The following PSMB3 variants were observed in gnomAD, a reference collection of about 807,000 sequenced individuals.
PSMB3 encodes proteasome subunit beta type-3.
In PSMB3, 5 loss-of-function variants were observed where a neutral mutation model predicts 23.3. The ratio of observed to expected loss-of-function variants is 0.21; its 90% CI spans 0.11 to 0.45. The LOEUF (loss-of-function observed/expected upper bound fraction) is 0.45. Among genes scored for constraint, PSMB3 ranks in the 20% least tolerant of loss-of-function variants. The pLI is 0.99. For missense variants in PSMB3, 192 were observed against 277.9 expected (o/e 0.69, Z 2.20); for synonymous variants, 85 against 99.8 (o/e 0.85, Z 0.88).
At chr17:38,753,478 C>A in intron 2 of PSMB3, 144 bp downstream of exon 2, 1 of 836,822 alleles carries the variant, frequency 1.2e-6, no homozygotes, top group Non-Finnish European at 1.8e-6. Flanking sequence ...CATGTCCTTC[C>A]CTTTCTTTTT....
intron 3 of PSMB3, among the ~76,000 whole-genome samples, chr17:38,759,723 A>G (rs1886714370): frequency 6.6e-6 from 1 of 151,432 alleles, no homozygotes; most frequent in Admixed American, 6.6e-5. Flanking sequence ...TTTTTTTTGT[A>G]TATTTAGTAG....
At position 38,762,434 on chromosome 17, in the gene PSMB3, C is replaced by A; in HGVS notation, c.498C>A (p.Thr166=). ...PNMDPDHLFE[T]ISQAMLNAVD... The stretch of plus-strand genomic sequence containing the variant: ...AGGATCCGGATCACCTGTTTGAAAC[C>A]ATCTCCCAAGCCATGCTGAATGCTG... Residue 166 remains threonine (T), a synonymous_variant, in exon 5 of 6, where the codon ACC becomes ACA. Coordinates refer to ENST00000619426, the MANE Select transcript of PSMB3 (RefSeq NM_002795.4). 1 of 1,614,172 alleles carries A rather than the reference C, an allele frequency of 6.2e-7. No individual in the cohort carries two copies. The highest frequency in any genetic ancestry group is 1.7e-5 in the Admixed American group (1 of 60,028).
intron 4 of PSMB3, among the ~76,000 whole-genome samples, chr17:38,761,579 T>A (rs1598034471): frequency 6.6e-6 from 1 of 151,772 alleles, no homozygotes; most frequent in Non-Finnish European, 1.5e-5. Flanking sequence ...TGAACTGCAG[T>A]TTGTTGGGAA....
At position 38,753,352 on chromosome 17, in the gene PSMB3, C is replaced by T. The variant is rs1182526321; in HGVS notation, c.188+18C>T. ...CAGACAGTGTAAGTTTCAAGGGTCC[C>T]CGCCCACACCCAGGCCTCTTCTTGG... On this transcript the variant is annotated intron_variant, in intron 2 of 5. Transcript: ENST00000619426. 2.5e-6 allele frequency: 4 copies of T among 1,608,164 alleles called. No individual in the cohort carries two copies. The highest frequency in any genetic ancestry group is 4.5e-5 in the East Asian group (2 of 44,840).
intron 2 of PSMB3, among the ~76,000 whole-genome samples, 189 bp from the exon 3 acceptor site, chr17:38,755,694 G>A (rs1202809863): frequency 1.5e-5 from 2 of 136,342 alleles, no homozygotes; most frequent in African/African-American, 5.7e-5. Context: ...GTGTGTGTGT[G>A]TGTGTGTGTG....
At chr17:38,759,435 G>C (rs1908340700) in intron 3 of PSMB3, among the ~76,000 whole-genome samples, 1 of 152,160 alleles carries the variant, frequency 6.6e-6, no homozygotes, top group Admixed American at 6.5e-5. Context: ...AATGCCTGTT[G>C]CTTTTGCACC....
chr17:38,753,497 T>TA (rs1908029470), intron 2 of PSMB3, among the ~76,000 whole-genome samples, 163 bp downstream of exon 2: 1 of 146,434 alleles, frequency 6.8e-6, no homozygotes, highest in Non-Finnish European at 1.5e-5. Flanking sequence ...TTTTTTTTTT[T>TA]AGACAGGGAC....
At chr17:38,757,599 G>A (rs1453003681) in intron 3 of PSMB3, among the ~76,000 whole-genome samples, 1 of 151,298 alleles carries the variant, frequency 6.6e-6, no homozygotes, top group African/African-American at 2.4e-5. Context: ...GGCGGATCAC[G>A]AGGTCAGGAG....
chr17:38,755,674 ATATATATATGTG>A (rs1908150706), intron 2 of PSMB3, among the ~76,000 whole-genome samples, 197 bp from the exon 3 acceptor site: 2 of 91,288 alleles, frequency 2.2e-5, no homozygotes, highest in African/African-American at 4.1e-5. Context: ...ATATATATAT[ATATATATATGTG>A]TGTGTGTGTG....
chr17:38,762,863 T>C (rs1300426546), intron 5 of PSMB3, among the ~76,000 whole-genome samples: 2 of 152,174 alleles, frequency 1.3e-5, no homozygotes, highest in Admixed American at 6.5e-5. Flanking sequence ...AGCCCAGATC[T>C]GTGTGATGTT....
At chr17:38,762,175 C>A in intron 4 of PSMB3, 1 of 532,762 alleles carries the variant, frequency 1.9e-6, no homozygotes, top group South Asian at 2.6e-5. Flanking sequence ...TGTCACACTG[C>A]TGATTAGTAA....
chr17:38,759,685 T>C (rs1908353450), intron 3 of PSMB3, among the ~76,000 whole-genome samples: 1 of 152,042 alleles, frequency 6.6e-6, no homozygotes, highest in South Asian at 2.1e-4. Flanking sequence ...GCTGGGACTA[T>C]AGTCACCCGC....
intron 2 of PSMB3, among the ~76,000 whole-genome samples, chr17:38,755,096 T>G (rs1246369784): frequency 2.0e-5 from 3 of 149,572 alleles, no homozygotes; most frequent in Non-Finnish European, 3.0e-5. Context: ...CACCTCACCC[T>G]CCCAAGTAGC....
chr17:38,757,652 T>TA (rs1327407677), intron 3 of PSMB3, among the ~76,000 whole-genome samples: 3 of 151,438 alleles, frequency 2.0e-5, no homozygotes, highest in Non-Finnish European at 4.4e-5. Flanking sequence ...CCATCTCTAA[T>TA]AAAAATGCAA....
intron 3 of PSMB3, among the ~76,000 whole-genome samples, chr17:38,758,776 T>C (rs1025741242): frequency 1.3e-5 from 2 of 152,152 alleles, no homozygotes; most frequent in African/African-American, 2.4e-5. Flanking sequence ...GCCTGGAGCA[T>C]TGGCTCACGC....
At chr17:38,760,404 TTC>T in intron 3 of PSMB3, 25 bp from the exon 4 acceptor site, 1 of 1,609,578 alleles carries the variant, frequency 6.2e-7, no homozygotes, top group Non-Finnish European at 8.5e-7. Context: ...GAGTTCTGGT[TTC>T]TCTCTCTGAT....
chr17:38,753,090 G>T, intron 1 of PSMB3, 60 bp from the exon 2 acceptor site: 1 of 1,508,434 alleles, frequency 6.6e-7, no homozygotes. Flanking sequence ...CAGGAGCTGG[G>T]CCGGGGGCTG....
At chr17:38,754,401 C>T (rs890542663) in intron 2 of PSMB3, among the ~76,000 whole-genome samples, 1 of 152,118 alleles carries the variant, frequency 6.6e-6, no homozygotes, top group Non-Finnish European at 1.5e-5. Context: ...ACCTGACAGA[C>T]GGACGTTGCA....
At chr17:38,756,867 G>A (rs1908219578) in intron 3 of PSMB3, among the ~76,000 whole-genome samples, 1 of 149,180 alleles carries the variant, frequency 6.7e-6, no homozygotes, top group Non-Finnish European at 1.5e-5. Flanking sequence ...ATACCCTTTA[G>A]CTTTCAAAAA....
Sources: gnomAD v4.1 joint callset for allele counts (sites outside exome capture counted in the v4.1 genomes callset) on GRCh38, gnomAD v4.1.1 for gene constraint, MANE v1.5 for transcripts, NCBI Gene and HGNC (gene_info 2026-07-23, HGNC 2026-07-21) for gene names.